Variants in NLGN1 observed in about 807,000 individuals in gnomAD.
NLGN1 encodes the protein neuroligin 1.
In NLGN1, 12 loss-of-function variants were observed where a neutral mutation model predicts 65.5. That is an observed-to-expected ratio of 0.18 (90% CI 0.12 to 0.30). The LOEUF is 0.30. Ranked by LOEUF, NLGN1 falls within the 10% of genes least tolerant of loss-of-function variation. The probability of loss-of-function intolerance (pLI) is 1.00; values close to 1 mark genes in which losing one functional copy is unlikely to be tolerated. For synonymous variants in NLGN1, 350 were observed against 359.5 expected (o/e 0.97, Z 0.30); for missense variants, 750 against 1,007.1 (o/e 0.74, Z 3.46).
chr3:173,427,920 A>G (rs1042825043), intron 1 of NLGN1, among the ~76,000 whole-genome samples: 5 of 148,778 alleles, frequency 3.4e-5, no homozygotes, highest in African/African-American at 1.2e-4. Flanking sequence ...AATGTCTCCT[A>G]TTATTACTGT....
chr3:173,788,491 G>C (rs192161983), intron 3 of NLGN1, among the ~76,000 whole-genome samples: 191 of 151,876 alleles, frequency 1.3e-3, no homozygotes, highest in African/African-American at 4.4e-3. Flanking sequence ...TCTATTCTAA[G>C]AGCTATACAT....
intron 4 of NLGN1, among the ~76,000 whole-genome samples, chr3:174,035,343 T>C (rs1020385096): frequency 2.6e-5 from 4 of 152,162 alleles, no homozygotes; most frequent in Non-Finnish European, 4.4e-5. Flanking sequence ...TCATTGATTA[T>C]TGTCATATAA....
At chr3:174,136,838 G>A (rs1270680171) in intron 4 of NLGN1, among the ~76,000 whole-genome samples, 2 of 152,024 alleles carry the variant, frequency 1.3e-5, no homozygotes, top group African/African-American at 4.8e-5. Flanking sequence ...TACATAGTTT[G>A]GGAAACACAG....
At chr3:173,736,842 T>G (rs924969514) in intron 3 of NLGN1, among the ~76,000 whole-genome samples, 1 of 152,048 alleles carries the variant, frequency 6.6e-6, no homozygotes, top group Non-Finnish European at 1.5e-5. Flanking sequence ...CCAAAATTGA[T>G]CATTATTGAT....
chr3:173,424,170 A>C (rs1715664846), intron 1 of NLGN1, among the ~76,000 whole-genome samples: 1 of 152,158 alleles, frequency 6.6e-6, no homozygotes, highest in Non-Finnish European at 1.5e-5. Flanking sequence ...AATGCAGGGC[A>C]CTAAGTTCTG....
At chr3:173,719,672 A>C (rs1413553721) in intron 3 of NLGN1, among the ~76,000 whole-genome samples, 1 of 152,226 alleles carries the variant, frequency 6.6e-6, no homozygotes, top group Non-Finnish European at 1.5e-5. Flanking sequence ...CTTTTCTCAG[A>C]AAATACTGAC....
intron 4 of NLGN1, among the ~76,000 whole-genome samples, chr3:173,861,747 T>G (rs996804111): frequency 6.6e-6 from 1 of 151,938 alleles, no homozygotes. Context: ...TGTTTCTAAA[T>G]TTTTCATTTT....
chr3:174,226,269 G>A (rs1270938377), intron 4 of NLGN1, among the ~76,000 whole-genome samples: 1 of 152,118 alleles, frequency 6.6e-6, no homozygotes, highest in Non-Finnish European at 1.5e-5. Flanking sequence ...GGAGCAAGAG[G>A]TAGACCATTA....
At chr3:173,888,240 G>C (rs1328011046) in intron 4 of NLGN1, among the ~76,000 whole-genome samples, 1 of 151,784 alleles carries the variant, frequency 6.6e-6, no homozygotes, top group Non-Finnish European at 1.5e-5. Flanking sequence ...TATCTGTGGG[G>C]AATGGGTTCC....
chr3:173,458,095 A>G (rs549463838), intron 2 of NLGN1, among the ~76,000 whole-genome samples: 1 of 152,146 alleles, frequency 6.6e-6, no homozygotes, highest in African/African-American at 2.4e-5. Flanking sequence ...AACTATGGAA[A>G]GTAGAAGAGG....
chr3:174,055,285 A>G (rs1735817734), intron 4 of NLGN1, among the ~76,000 whole-genome samples: 2 of 151,836 alleles, frequency 1.3e-5, no homozygotes, highest in South Asian at 4.2e-4. Flanking sequence ...CCCACAAAAT[A>G]GGGAGATACT....
intron 4 of NLGN1, among the ~76,000 whole-genome samples, chr3:174,258,304 T>C (rs535583571): frequency 4.7e-4 from 71 of 152,166 alleles, no homozygotes; most frequent in Middle Eastern, 3.4e-3. Context: ...CATAATGGTA[T>C]AAACAAATGA....
At chr3:173,595,614 C>T (rs1056859716) in intron 2 of NLGN1, among the ~76,000 whole-genome samples, 1 of 152,152 alleles carries the variant, frequency 6.6e-6, no homozygotes, top group Non-Finnish European at 1.5e-5. Context: ...GGTATCTTTT[C>T]AGCAGTGCCC....
At chr3:173,445,687 T>C (rs912557367) in intron 2 of NLGN1, among the ~76,000 whole-genome samples, 1 of 152,232 alleles carries the variant, frequency 6.6e-6, no homozygotes. Context: ...TTTGGAGCCA[T>C]TGTGTTTTCT....
At chr3:173,805,810 A>G (rs959239418) in intron 3 of NLGN1, among the ~76,000 whole-genome samples, 2 of 152,214 alleles carry the variant, frequency 1.3e-5, no homozygotes, top group African/African-American at 4.8e-5. Context: ...TAGAAAAATA[A>G]GAAGCTGAAA....
At chr3:173,397,111 G>GTTGGGGT (rs1716749210), upstream of NLGN1, among the ~76,000 whole-genome samples, 1 of 151,940 alleles carries the variant, frequency 6.6e-6, no homozygotes, top group Non-Finnish European at 1.5e-5. Flanking sequence ...TTTTTTAAGC[G>GTTGGGGT]TTGGGGTTCA....
chr3:174,023,385 G>A lies in NLGN1; in HGVS notation c.646+215553G>A, dbSNP rs189798619. Among the ~76,000 whole-genome samples the A allele has an allele frequency of 1.8e-3, 278 of 152,240 alleles. 1 individual carries two copies. In the Middle Eastern group the frequency reaches 0.027, roughly 15 times the overall value. On this transcript the variant is annotated intron_variant, in intron 4 of 6. Transcript: ENST00000457714. ...GGATTCTTCCTAGGATATATGTAACGCTTTTTGGTAGTCATAGGAACTCCC... is the reference window on the plus strand; with the variant it reads ...GGATTCTTCCTAGGATATATGTAACACTTTTTGGTAGTCATAGGAACTCCC...
At chr3:173,821,159 T>C (rs1342974698) in intron 4 of NLGN1, among the ~76,000 whole-genome samples, 1 of 152,174 alleles carries the variant, frequency 6.6e-6, no homozygotes, top group Non-Finnish European at 1.5e-5. Flanking sequence ...TTTCACCATT[T>C]ACAAACCTTT....
chr3:174,032,775 G>A (rs558532076), intron 4 of NLGN1, among the ~76,000 whole-genome samples: 1 of 152,140 alleles, frequency 6.6e-6, no homozygotes, highest in East Asian at 1.9e-4. Flanking sequence ...CCACAAGGAG[G>A]GCCAGCTCTC....
Sources: gnomAD v4.1 joint callset for allele counts (sites outside exome capture counted in the v4.1 genomes callset) on GRCh38, gnomAD v4.1.1 for gene constraint, MANE v1.5 for transcripts, NCBI Gene and HGNC (gene_info 2026-07-23, HGNC 2026-07-21) for gene names.